NAA15: variants seen among roughly 807,000 people sequenced by gnomAD.
The protein encoded by NAA15 is N-alpha-acetyltransferase 15, NatA auxiliary subunit.
NAA15 carries 34 observed loss-of-function variants against 114.0 expected under a neutral mutation model. The observed-to-expected ratio is 0.30, with a 90% confidence interval of 0.23 to 0.40. The LOEUF (loss-of-function observed/expected upper bound fraction) is 0.40. NAA15 is among the 10% of genes least tolerant of loss of function. The pLI is 1.00. For missense variants in NAA15, 658 were observed against 1,004.5 expected (o/e 0.66, Z 4.66); for synonymous variants, 340 against 338.0 (o/e 1.01, Z -0.06).
At chr4:139,329,539 C>T (rs926969988) in intron 1 of NAA15, among the ~76,000 whole-genome samples, 3 of 152,100 alleles carry the variant, frequency 2.0e-5, no homozygotes, top group African/African-American at 4.8e-5. Flanking sequence ...TAAAGTAATA[C>T]TCTAGGGCTA....
chr4:139,303,540 T>TA (rs1426944588), intron 1 of NAA15, among the ~76,000 whole-genome samples: 1 of 152,202 alleles, frequency 6.6e-6, no homozygotes, highest in Non-Finnish European at 1.5e-5. Context: ...CTCATGCCTG[T>TA]AATCCCAGCA....
In NAA15 at chr4:139,349,447, TC is replaced by T. The variant is rs1747707308; in HGVS notation, c.692-14del. 2.0e-6 allele frequency: 3 copies of T among 1,533,750 alleles called. No homozygotes were observed. Among genetic ancestry groups the T allele is most frequent in the African/African-American group, 1.4e-5 (1 of 70,444 alleles). On this transcript the variant is annotated splice_polypyrimidine_tract_variant and intron_variant, in intron 6 of 19. Coordinates refer to ENST00000296543, the MANE Select transcript of NAA15 (RefSeq NM_057175.5). ...CTCAGATATTAAAATTTTTTTTTTT[TC>T]TGTTTTTAATCAGGGGAACTTCTGT...
intron 1 of NAA15, among the ~76,000 whole-genome samples, chr4:139,313,282 C>T (rs1043049280): frequency 2.0e-5 from 3 of 151,994 alleles, no homozygotes; most frequent in African/African-American, 7.2e-5. Context: ...AAATGGCTTA[C>T]ACTTAAAATG....
At chr4:139,304,823 C>T (rs573369545) in intron 1 of NAA15, among the ~76,000 whole-genome samples, 4 of 152,208 alleles carry the variant, frequency 2.6e-5, no homozygotes, top group Admixed American at 2.6e-4. Context: ...TTTAGAACCA[C>T]ATCCATTATC....
Position 139,352,997 on chromosome 4 carries a change from A to G in NAA15, c.1015-1029A>G, listed in dbSNP as rs141156330. ...AGGATCTTTTGTTTCCAGTTTTGAA[A>G]GAGTCAGACTTTGATGTTTATGAAG... On this transcript the variant is annotated intron_variant, in intron 9 of 19. Transcript: ENST00000296543. Among the ~76,000 whole-genome samples, 103 of 152,242 alleles carry G rather than the reference A, an allele frequency of 6.8e-4. 2 individuals are homozygous for G. The East Asian group carries it at 0.013, about 19-fold the overall frequency.
At chr4:139,342,229 C>T (rs1173698096) in intron 4 of NAA15, among the ~76,000 whole-genome samples, 1 of 152,066 alleles carries the variant, frequency 6.6e-6, no homozygotes, top group Non-Finnish European at 1.5e-5. Flanking sequence ...TTCCATCCTG[C>T]CTCTTTTCTG....
chr4:139,311,978 A>T (rs74858514), intron 1 of NAA15, among the ~76,000 whole-genome samples: 2,961 of 151,446 alleles, frequency 0.02, 136 homozygotes, highest in African/African-American at 0.068. Context: ...TAAAAAAAAA[A>T]TTTGAGGGAA....
chr4:139,348,668 A>G (rs1293021031), intron 6 of NAA15, among the ~76,000 whole-genome samples: 2 of 152,216 alleles, frequency 1.3e-5, no homozygotes, highest in Non-Finnish European at 2.9e-5. Context: ...GCTCATATAT[A>G]ATAGTGAAAC....
chr4:139,343,506 TC>T (rs139766578), intron 5 of NAA15, among the ~76,000 whole-genome samples: 8,328 of 152,322 alleles, frequency 0.055, 256 homozygotes, highest in East Asian at 0.1. Context: ...TTTGAAAACT[TC>T]CTTTGTATTT....
At chr4:139,347,458 C>T (rs1747622712) in intron 6 of NAA15, among the ~76,000 whole-genome samples, 1 of 151,660 alleles carries the variant, frequency 6.6e-6, no homozygotes, top group East Asian at 1.9e-4. Flanking sequence ...ATAAGGAAAC[C>T]CCATCTCTAC....
At chr4:139,339,868 G>T (rs897119638) in intron 3 of NAA15, among the ~76,000 whole-genome samples, 1 of 152,186 alleles carries the variant, frequency 6.6e-6, no homozygotes, top group Non-Finnish European at 1.5e-5. Flanking sequence ...CAGTAATCAA[G>T]ATCTAAAGTG....
In NAA15 at chr4:139,360,508, A is replaced by G. The variant is rs1374645858; in HGVS notation, c.1419A>G (p.Thr473=). 4 of 1,588,032 alleles carry G rather than the reference A, an allele frequency of 2.5e-6. No individual in the cohort carries two copies. Among genetic ancestry groups the G allele is most frequent in the Non-Finnish European group, 3.4e-6 (4 of 1,168,818 alleles). Reference sequence around the variant, plus strand: ...ATTTGATTTCTGTATAGGAAGGAACATCAGCGGTAGAGAATTTGAATGAAA... The same window carrying G: ...ATTTGATTTCTGTATAGGAAGGAACGTCAGCGGTAGAGAATTTGAATGAAA... ...EMCSKFTREG[T]SAVENLNEMQ... Residue 473 remains threonine (T), a synonymous_variant, in exon 13 of 20, where the codon ACA becomes ACG. Transcript: ENST00000296543.
intron 1 of NAA15, among the ~76,000 whole-genome samples, chr4:139,317,346 G>C (rs145486164): frequency 1.3e-5 from 2 of 152,002 alleles, no homozygotes; most frequent in African/African-American, 4.8e-5. Context: ...ATCGTGGGCC[G>C]GGCGCGGTGG....
chr4:139,343,365 C>A (rs1477907380), intron 5 of NAA15, among the ~76,000 whole-genome samples: 2 of 152,148 alleles, frequency 1.3e-5, no homozygotes, highest in Non-Finnish European at 2.9e-5. Flanking sequence ...ATCCCCAGCC[C>A]ATATTCAGAA....
In NAA15 at chr4:139,342,975, C is replaced by A. The variant is rs781736258; in HGVS notation, c.537+15C>A. 19 of 1,604,136 alleles carry A rather than the reference C, an allele frequency of 1.2e-5. No homozygotes were observed. In the East Asian group the frequency reaches 3.8e-4, roughly 32 times the overall value. ...AAACACAACAGGTAATAACTAGAAG[C>A]CATTTTACTAAGTCTGATCCTAAGT... On this transcript the variant is annotated intron_variant, in intron 5 of 19. Coordinates refer to ENST00000296543, the MANE Select transcript of NAA15 (RefSeq NM_057175.5).
At chr4:139,377,467 G>A (rs1309472591) in intron 16 of NAA15, among the ~76,000 whole-genome samples, 2 of 152,010 alleles carry the variant, frequency 1.3e-5, no homozygotes, top group Non-Finnish European at 2.9e-5. Flanking sequence ...GAACCCGGGA[G>A]GCAGAGGTTG....
rs573280267 is a variant in NAA15 at position 139,375,979 on chromosome 4, A to G, written c.1948-386A>G. On this transcript the variant is annotated intron_variant, in intron 15 of 19. Coordinates refer to ENST00000296543, the MANE Select transcript of NAA15 (RefSeq NM_057175.5). Reference sequence around the variant, plus strand: ...GATTATACTTCACTTTGTTTGAATTATAAAGAACATTCACTCATTCTGTCA... The same window carrying G: ...GATTATACTTCACTTTGTTTGAATTGTAAAGAACATTCACTCATTCTGTCA... 6.7e-4 allele frequency among the ~76,000 whole-genome samples: 102 copies of G among 152,342 alleles called. 1 individual carries two copies. Among genetic ancestry groups the G allele is most frequent in the African/African-American group, 2.3e-3 (96 of 41,580 alleles).
In NAA15 at chr4:139,351,224, A is replaced by G; in HGVS notation, c.845A>G (p.Glu282Gly). ...NMLERLKIYE[E>G]AWTKYPRGLV... ...TTAGAACGGCTAAAAATTTATGAGGAAGCCTGGACTAAATATCCCAGGGGA... is the reference window on the plus strand; with the variant it reads ...TTAGAACGGCTAAAAATTTATGAGGGAGCCTGGACTAAATATCCCAGGGGA... Residue 282 changes from glutamate (E) to glycine (G), a missense_variant, in exon 8 of 20, where the codon GAA becomes GGA. This residue lies in a region of NAA15 where 281 missense variants were observed against 389.1 expected (regional missense o/e 0.72). Transcript: ENST00000296543. 1 of 1,603,830 alleles carries G rather than the reference A, an allele frequency of 6.2e-7. No homozygotes were observed. The highest frequency in any genetic ancestry group is 8.5e-7 in the Non-Finnish European group (1 of 1,174,520).
At chr4:139,303,231 T>C (rs546733217) in intron 1 of NAA15, among the ~76,000 whole-genome samples, 1 of 152,300 alleles carries the variant, frequency 6.6e-6, no homozygotes, top group African/African-American at 2.4e-5. Context: ...AGAGTGTAGG[T>C]GGAGCTGTAA....
Sources: allele counts gnomAD v4.1 joint callset (sites outside exome capture counted in the v4.1 genomes callset), GRCh38; gene constraint gnomAD v4.1.1; regional missense constraint gnomAD v4.1.1; transcripts MANE v1.5; gene names NCBI Gene and HGNC (gene_info 2026-07-23, HGNC 2026-07-21).